The following ATG4B variants were observed in gnomAD, a reference collection of about 807,000 sequenced individuals.
The protein encoded by ATG4B is cysteine protease ATG4B.
In ATG4B, 29 loss-of-function variants were observed where a neutral mutation model predicts 56.6. That is an observed-to-expected ratio of 0.51 (90% CI 0.38 to 0.70). The LOEUF is 0.70. Ranked by LOEUF, ATG4B falls within the 30% of genes least tolerant of loss-of-function variation. The pLI, the probability that ATG4B is intolerant of heterozygous loss-of-function variation, is 0.00. For missense variants in ATG4B, 461 were observed against 515.5 expected (o/e 0.89, Z 1.02); for synonymous variants, 224 against 206.1 (o/e 1.09, Z -0.74).
At chr2:241,671,896 C>T in intron 12 of ATG4B, 1 of 1,335,422 alleles carries the variant, frequency 7.5e-7, no homozygotes, top group Non-Finnish European at 9.6e-7. Flanking sequence ...AAGGCAATGG[C>T]AATGGAACCA....
intron 7 of ATG4B, among the ~76,000 whole-genome samples, chr2:241,662,468 G>A (rs756283488): frequency 1.6e-4 from 25 of 152,202 alleles, no homozygotes; most frequent in Non-Finnish European, 3.7e-4. Flanking sequence ...AAGAGAACAC[G>A]AGAAAATTTC....
At chr2:241,659,231 G>T in intron 7 of ATG4B, 44 bp downstream of exon 7, 1 of 1,550,334 alleles carries the variant, frequency 6.5e-7, no homozygotes, top group South Asian at 1.1e-5. Context: ...TTGAAATCAC[G>T]GGCAACATAC....
chr2:241,670,916 G>A, intron 11 of ATG4B, 134 bp downstream of exon 11: 4 of 950,342 alleles, frequency 4.2e-6, no homozygotes, highest in Non-Finnish European at 6.5e-6. Context: ...GTCCCGCCTG[G>A]CACAGCTATG....
Position 241,672,840 on chromosome 2 carries a change from G to A in ATG4B, c.*576G>A, listed in dbSNP as rs917797243. On this transcript the variant is annotated 3_prime_UTR_variant, in exon 13 of 13. Transcript: ENST00000404914. ...GAGATGAGGTTGGAGGAACGAAGGC[G>A]AGGTTCCTCCTTGCTTTGGGGAGAA... 2 of 160,800 alleles carry A rather than the reference G, an allele frequency of 1.2e-5. No homozygotes were observed. Among genetic ancestry groups the A allele is most frequent in the Admixed American group, 5.8e-5 (1 of 17,304 alleles). The allele number at this position is 160,800 out of a possible 1,614,324, so 10.0% of individuals were successfully genotyped here. A position where few individuals can be genotyped will look rare whatever the true frequency, so the allele number is the denominator to read the frequency against.
At chr2:241,663,773 G>A (rs1232555179) in intron 7 of ATG4B, among the ~76,000 whole-genome samples, 2 of 151,786 alleles carry the variant, frequency 1.3e-5, no homozygotes, top group African/African-American at 4.8e-5. Context: ...TTAAAGCCAG[G>A]AATTCAAGAC....
intron 5 of ATG4B, 156 bp downstream of exon 5, chr2:241,654,803 A>G: frequency 1.5e-6 from 1 of 645,348 alleles, no homozygotes; most frequent in Non-Finnish European, 2.7e-6. Flanking sequence ...CGCTGCTGTC[A>G]CATCACCCCC....
rs374333547 is a variant in ATG4B at position 241,668,135 on chromosome 2, C to T, written c.733-8C>T. On this transcript the variant is annotated splice_region_variant and splice_polypyrimidine_tract_variant and intron_variant, in intron 8 of 12. Coordinates refer to ENST00000404914, the MANE Select transcript of ATG4B (RefSeq NM_013325.5). This position sits in a 1 kb window ranked among gnomAD's most constrained non-coding sequence, Gnocchi z 4.2. ...GGGACCTGTGCTCAGTCCCCCGCCCCTCCACAGCACTGCTTCATGATGCCC... is the reference window on the plus strand; with the variant it reads ...GGGACCTGTGCTCAGTCCCCCGCCCTTCCACAGCACTGCTTCATGATGCCC... The T allele has an allele frequency of 4.8e-5, 76 of 1,590,254 alleles. 1 individual carries two copies. In the African/African-American group the frequency reaches 7.5e-4, roughly 16 times the overall value.
chr2:241,660,747 T>C (rs2068565558), intron 7 of ATG4B, among the ~76,000 whole-genome samples: 1 of 152,232 alleles, frequency 6.6e-6, no homozygotes, highest in African/African-American at 2.4e-5. Context: ...AGTGACAGCA[T>C]TGTAATTATT....
At chr2:241,667,383 A>G (rs566665973) in intron 8 of ATG4B, among the ~76,000 whole-genome samples, 1 of 152,150 alleles carries the variant, frequency 6.6e-6, no homozygotes, top group East Asian at 1.9e-4. Flanking sequence ...AAGCGGGCAG[A>G]TCACGAGGTC....
At chr2:241,659,352 C>G in intron 7 of ATG4B, 165 bp downstream of exon 7, 1 of 704,986 alleles carries the variant, frequency 1.4e-6, no homozygotes. Flanking sequence ...ACGGTGGCCT[C>G]GCTCTCCTAT....
chr2:241,662,898 G>T, intron 7 of ATG4B, among the ~76,000 whole-genome samples: 1 of 152,076 alleles, frequency 6.6e-6, no homozygotes, highest in South Asian at 2.1e-4. Context: ...AATCAATAAA[G>T]CGGGCCGGGC....
In ATG4B at chr2:241,668,045, G is replaced by C. The variant is rs1033972011; in HGVS notation, c.733-98G>C. The C allele has an allele frequency of 6.7e-6, 8 of 1,198,644 alleles. No homozygotes were observed. In the African/African-American group the frequency reaches 9.1e-5, roughly 14 times the overall value. The allele number at this position is 1,198,644 out of a possible 1,614,324, so 74.3% of individuals were successfully genotyped here. A position where few individuals can be genotyped will look rare whatever the true frequency, so the allele number is the denominator to read the frequency against. On this transcript the variant is annotated intron_variant, in intron 8 of 12. Transcript: ENST00000404914. This position sits in a 1 kb window ranked among gnomAD's most constrained non-coding sequence, Gnocchi z 4.2. ...CTCCTGTCCCCTCTTGTGTCACCCAGTTGGGCCTCAGCAGGCCCTTGGGCC... is the reference window on the plus strand; with the variant it reads ...CTCCTGTCCCCTCTTGTGTCACCCACTTGGGCCTCAGCAGGCCCTTGGGCC...
At chr2:241,660,126 G>A (rs958430425) in intron 7 of ATG4B, among the ~76,000 whole-genome samples, 7 of 152,144 alleles carry the variant, frequency 4.6e-5, no homozygotes, top group Non-Finnish European at 7.3e-5. Flanking sequence ...GGAGGCGGAG[G>A]TTGCAGTGAG....
rs754983043 is a variant in ATG4B, at chr2:241,668,803, T to G, written c.957+118T>G. ...TCAGCATGTTGGGATAAGTACTGTG[T>G]TCACGTGGTTGGGAATCTGAAGGGT... is the stretch of plus-strand genomic sequence containing the variant. On this transcript the variant is annotated intron_variant, in intron 10 of 12. Coordinates refer to ENST00000404914, the MANE Select transcript of ATG4B (RefSeq NM_013325.5). This position sits in a 1 kb window ranked among gnomAD's most constrained non-coding sequence, Gnocchi z 4.2. The G allele has an allele frequency of 2.5e-4, 350 of 1,422,718 alleles. No individual in the cohort carries two copies. The highest frequency in any genetic ancestry group is 3.1e-4 in the Non-Finnish European group (329 of 1,065,302). The allele number at this position is 1,422,718 out of a possible 1,614,324, so 88.1% of individuals were successfully genotyped here.
chr2:241,640,126 C>A (rs2067840576), intron 1 of ATG4B, among the ~76,000 whole-genome samples: 1 of 152,158 alleles, frequency 6.6e-6, no homozygotes, highest in Non-Finnish European at 1.5e-5. Context: ...ATGTGAAAAT[C>A]ATCATGTTCA....
At chr2:241,658,337 G>T (rs973993748) in intron 6 of ATG4B, among the ~76,000 whole-genome samples, 1 of 152,134 alleles carries the variant, frequency 6.6e-6, no homozygotes, top group Admixed American at 6.5e-5. Flanking sequence ...GGGGCAGGCT[G>T]TCCTCCCAGT....
At chr2:241,652,118 G>A (rs539181162) in intron 3 of ATG4B, 2 of 408,040 alleles carry the variant, frequency 4.9e-6, no homozygotes, top group East Asian at 1.5e-4. Context: ...CTGACGCGTA[G>A]GGACATACGA....
chr2:241,668,954 T>G lies in ATG4B; in HGVS notation c.957+269T>G. The G allele has an allele frequency of 2.0e-6, 1 of 500,690 alleles. No individual in the cohort carries two copies. The highest frequency in any genetic ancestry group is 3.5e-6 in the Non-Finnish European group (1 of 282,486). The allele number at this position is 500,690 out of a possible 1,614,324, so 31.0% of individuals were successfully genotyped here. ...CTGGATGTGAGCGTGTGTGGGCGCG[T>G]GCTGAGTGTGCATGGATGAGTGTGA... On this transcript the variant is annotated intron_variant, in intron 10 of 12. Coordinates refer to ENST00000404914, the MANE Select transcript of ATG4B (RefSeq NM_013325.5). The surrounding 1 kb of genome is among the most constrained non-coding windows in gnomAD (Gnocchi z 4.2).
intron 1 of ATG4B, among the ~76,000 whole-genome samples, chr2:241,650,165 C>T (rs1018002863): frequency 1.3e-5 from 2 of 152,332 alleles, no homozygotes; most frequent in Non-Finnish European, 2.9e-5. Flanking sequence ...CATGGCTCTG[C>T]AGCCAGCTGC....
Sources: allele counts gnomAD v4.1 joint callset (sites outside exome capture counted in the v4.1 genomes callset), GRCh38; gene constraint gnomAD v4.1.1; non-coding constraint Gnocchi (gnomAD v3.1); transcripts MANE v1.5; gene names NCBI Gene and HGNC (gene_info 2026-07-23, HGNC 2026-07-21).